CNTN3: variants seen among roughly 807,000 people sequenced by gnomAD.
The protein encoded by CNTN3 is contactin-3.
In CNTN3, 60 loss-of-function variants were observed where a neutral mutation model predicts 119.1. The observed-to-expected ratio is 0.50, with a 90% CI of 0.41 to 0.62. The LOEUF (loss-of-function observed/expected upper bound fraction) is 0.62, where lower values mean the gene tolerates loss of function less well. Ranked by LOEUF, CNTN3 falls within the 20% of genes least tolerant of loss-of-function variation. The pLI is 0.00. For synonymous variants in CNTN3, 450 were observed against 438.7 expected (o/e 1.03, Z -0.32); for missense variants, 1,101 against 1,242.4 (o/e 0.89, Z 1.71).
At chr3:74,519,253 T>C (rs1703502998) in intron 2 of CNTN3, among the ~76,000 whole-genome samples, 1 of 151,706 alleles carries the variant, frequency 6.6e-6, no homozygotes, top group African/African-American at 2.4e-5. Context: ...TTAATCCAAT[T>C]CTCCCTTACA....
intron 4 of CNTN3, among the ~76,000 whole-genome samples, chr3:74,479,188 A>G (rs1702714757): frequency 6.6e-6 from 1 of 152,092 alleles, no homozygotes; most frequent in African/African-American, 2.4e-5. Flanking sequence ...ACAGGAAATC[A>G]TAAAATCTCC....
At chr3:74,354,511 T>A (rs1703888682) in intron 11 of CNTN3, among the ~76,000 whole-genome samples, 1 of 152,072 alleles carries the variant, frequency 6.6e-6, no homozygotes, top group Non-Finnish European at 1.5e-5. Context: ...AACATACAGT[T>A]TTGATTTGTC....
Position 74,564,006 on chromosome 3 carries a change from C to A in CNTN3, c.-80-42814G>T, listed in dbSNP as rs191992711. On this transcript the variant is annotated intron_variant, in intron 1 of 22. Transcript: ENST00000263665. ...CACCAAGCCAGGAGCTGCAATAAGC[C>A]CAATGGATAGGAGCGGTCCCTGCTC... Among the ~76,000 whole-genome samples, 8 of 152,140 alleles carry A rather than the reference C, an allele frequency of 5.3e-5. No homozygotes were observed. In the East Asian group the frequency reaches 1.5e-3, roughly 29 times the overall value.
At chr3:74,318,388 G>A (rs1004911448) in intron 13 of CNTN3, among the ~76,000 whole-genome samples, 6 of 152,224 alleles carry the variant, frequency 3.9e-5, no homozygotes, top group East Asian at 3.9e-4. Context: ...GAGGAGCTGC[G>A]TTCCTTTGGA....
At chr3:74,425,187 G>C (rs1350513996) in intron 4 of CNTN3, among the ~76,000 whole-genome samples, 1 of 152,094 alleles carries the variant, frequency 6.6e-6, no homozygotes. Flanking sequence ...CACCCAGGTA[G>C]TGAGTACAGA....
At chr3:74,371,813 A>G (rs1390807119) in intron 5 of CNTN3, among the ~76,000 whole-genome samples, 1 of 152,106 alleles carries the variant, frequency 6.6e-6, no homozygotes, top group East Asian at 1.9e-4. Flanking sequence ...TAACCTGAAT[A>G]TGAGGCCCTT....
chr3:74,377,939 T>C (rs1704520376), intron 5 of CNTN3, among the ~76,000 whole-genome samples: 1 of 152,204 alleles, frequency 6.6e-6, no homozygotes. Flanking sequence ...AAAATTATAT[T>C]ATGAAGGAGA....
chr3:74,512,093 T>A (rs547557254), intron 2 of CNTN3, among the ~76,000 whole-genome samples: 1 of 152,182 alleles, frequency 6.6e-6, no homozygotes, highest in East Asian at 1.9e-4. Context: ...ATAAGCAGTA[T>A]TTTTTCATTG....
At chr3:74,367,408 C>T (rs1031789289) in intron 8 of CNTN3, among the ~76,000 whole-genome samples, 33 of 152,132 alleles carry the variant, frequency 2.2e-4, no homozygotes, top group Admixed American at 7.2e-4. Context: ...TCCACTCTTC[C>T]ATCACCTCAC....
intron 11 of CNTN3, among the ~76,000 whole-genome samples, chr3:74,345,559 GTGTTAATAT>G (rs1703668865): frequency 6.6e-6 from 1 of 152,186 alleles, no homozygotes; most frequent in Non-Finnish European, 1.5e-5. Context: ...AGAGTCTTGA[GTGTTAATAT>G]TCAGTTACCC....
chr3:74,453,525 C>G (rs575451111), intron 4 of CNTN3, among the ~76,000 whole-genome samples: 16 of 152,064 alleles, frequency 1.1e-4, no homozygotes, highest in South Asian at 4.2e-4. Flanking sequence ...TTCAGTTCTG[C>G]TCTCATCTTA....
intron 4 of CNTN3, among the ~76,000 whole-genome samples, chr3:74,450,031 A>AG (rs1468295844): frequency 6.6e-6 from 1 of 152,116 alleles, no homozygotes; most frequent in East Asian, 1.9e-4. Context: ...AATCAAACTG[A>AG]GCCTATCCTC....
At chr3:74,398,857 C>T (rs547699969) in intron 5 of CNTN3, among the ~76,000 whole-genome samples, 114 of 152,166 alleles carry the variant, frequency 7.5e-4, no homozygotes, top group South Asian at 1.2e-3. Flanking sequence ...TCACTTATCA[C>T]GTGGTTAATT....
At position 74,486,520 on chromosome 3, in the gene CNTN3, G is replaced by C; in HGVS notation, c.294C>G (p.Tyr98Ter). ...NPNRNWDTGT[Y>*]QCFATNSLGT... ...CAAGTGAATTTGTTGCAAAACATTGGTAAGTTCCTGTATCCCAATTTCTGT... is the reference window on the plus strand; with the variant it reads ...CAAGTGAATTTGTTGCAAAACATTGCTAAGTTCCTGTATCCCAATTTCTGT... The change falls in exon 4 of 23, where the codon TAC (tyrosine) becomes TAG (stop). Residue 98 changes from tyrosine to a stop codon, truncating the protein, a stop_gained. Coordinates refer to ENST00000263665, the MANE Select transcript of CNTN3 (RefSeq NM_020872.3). LOFTEE classifies it high-confidence loss of function. The C allele has an allele frequency of 6.2e-7, 1 of 1,606,210 alleles. No homozygotes were observed. The highest frequency in any genetic ancestry group is 8.5e-7 in the Non-Finnish European group (1 of 1,178,276).
rs145712186 is a variant in CNTN3 at position 74,274,235 on chromosome 3, C to G, written c.2705-6857G>C. On this transcript the variant is annotated intron_variant, in intron 20 of 22. Coordinates refer to ENST00000263665, the MANE Select transcript of CNTN3 (RefSeq NM_020872.3). ...CCCTACCCACCCTGGTAGCTGAACACAAAAGGCATATACTCTTGGGAGTTC... is the reference window on the plus strand; with the variant it reads ...CCCTACCCACCCTGGTAGCTGAACAGAAAAGGCATATACTCTTGGGAGTTC... Among the ~76,000 whole-genome samples the G allele has an allele frequency of 7.2e-5, 11 of 152,200 alleles. No homozygotes were observed. In the East Asian group the frequency reaches 2.1e-3, roughly 30 times the overall value.
Position 74,267,257 on chromosome 3 carries a change from A to T in CNTN3, c.2817+9T>A. ...ACGAAAATGAAGCATTGCAAATGAG[A>T]AAACTTACTTTATATCCTGTTACTT... On this transcript the variant is annotated intron_variant, in intron 21 of 22. Coordinates refer to ENST00000263665, the MANE Select transcript of CNTN3 (RefSeq NM_020872.3). The T allele has an allele frequency of 6.3e-7, 1 of 1,584,842 alleles. No individual in the cohort carries two copies. Among genetic ancestry groups the T allele is most frequent in the Non-Finnish European group, 8.7e-7 (1 of 1,154,580 alleles).
chr3:74,333,227 C>A (rs993569984), intron 13 of CNTN3, among the ~76,000 whole-genome samples: 3 of 152,240 alleles, frequency 2.0e-5, no homozygotes, highest in African/African-American at 4.8e-5. Flanking sequence ...GTCTCAATTT[C>A]TCTTTTCCTT....
intron 1 of CNTN3, among the ~76,000 whole-genome samples, chr3:74,547,505 T>G (rs1466838570): frequency 6.6e-6 from 1 of 152,174 alleles, no homozygotes; most frequent in African/African-American, 2.4e-5. Flanking sequence ...ACTATTCATA[T>G]TTCTACCTGG....
At chr3:74,557,536 G>C (rs1457653402) in intron 1 of CNTN3, among the ~76,000 whole-genome samples, 1 of 152,174 alleles carries the variant, frequency 6.6e-6, no homozygotes, top group Non-Finnish European at 1.5e-5. Flanking sequence ...CCAAGGGATA[G>C]AAGCAGAAGT....
Sources: allele counts gnomAD v4.1 joint callset (sites outside exome capture counted in the v4.1 genomes callset), GRCh38; gene constraint gnomAD v4.1.1; transcripts MANE v1.5; gene names NCBI Gene and HGNC (gene_info 2026-07-23, HGNC 2026-07-21).